HEATR1: variants seen among roughly 807,000 people sequenced by gnomAD.
The protein encoded by HEATR1 is HEAT repeat-containing protein 1.
Under a neutral mutation model 248.2 loss-of-function variants are expected in HEATR1, and 77 were observed. The observed-to-expected ratio is 0.31, with a 90% confidence interval of 0.26 to 0.37. The LOEUF (loss-of-function observed/expected upper bound fraction) is 0.37. Ranked by LOEUF, HEATR1 falls within the 10% of genes least tolerant of loss-of-function variation. The pLI is 1.00. For missense variants in HEATR1, 2,420 were observed against 2,504.9 expected, an observed-to-expected ratio of 0.97 and a Z score of 0.72; for synonymous variants, 897 against 923.1, an observed-to-expected ratio of 0.97 and a Z score of 0.51.
At chr1:236,554,127 C>T (rs1201505815) in intron 42 of HEATR1, among the ~76,000 whole-genome samples, 1 of 152,218 alleles carries the variant, frequency 6.6e-6, no homozygotes, top group Admixed American at 6.5e-5. Flanking sequence ...CATGGTGGCT[C>T]ACGCCTGTAA....
At chr1:236,593,086 A>G (rs1664084774) in intron 9 of HEATR1, among the ~76,000 whole-genome samples, 1 of 152,034 alleles carries the variant, frequency 6.6e-6, no homozygotes, top group African/African-American at 2.4e-5. Flanking sequence ...CCCAGCTACC[A>G]GGGAGGCTGA....
intron 28 of HEATR1, among the ~76,000 whole-genome samples, chr1:236,569,570 C>T (rs567202239): frequency 7.9e-5 from 12 of 152,122 alleles, no homozygotes; most frequent in Non-Finnish European, 1.3e-4. Flanking sequence ...AAAATTCATA[C>T]GAAAAGAATA....
At chr1:236,590,566 T>C (rs2103149989) in intron 12 of HEATR1, among the ~76,000 whole-genome samples, 1 of 152,252 alleles carries the variant, frequency 6.6e-6, no homozygotes, top group African/African-American at 2.4e-5. Context: ...CTCAGATAAT[T>C]AATGAACCTA....
intron 21 of HEATR1, 23 bp downstream of exon 21, chr1:236,576,757 A>G: frequency 6.3e-7 from 1 of 1,596,068 alleles, no homozygotes; most frequent in African/African-American, 1.3e-5. Context: ...AACACACTCA[A>G]TCTTCTTTGC....
chr1:236,554,921 G>A (rs764406630), intron 41 of HEATR1, among the ~76,000 whole-genome samples, 169 bp from the exon 42 acceptor site: 4 of 152,194 alleles, frequency 2.6e-5, no homozygotes, highest in Non-Finnish European at 5.9e-5. Flanking sequence ...CTCGAAGAAT[G>A]ATTCCTTCTT....
At chr1:236,577,204 C>T (rs749910064) in intron 20 of HEATR1, among the ~76,000 whole-genome samples, 7 of 152,154 alleles carry the variant, frequency 4.6e-5, no homozygotes, top group African/African-American at 1.2e-4. Flanking sequence ...CTGGACATTG[C>T]GCAATGGTGC....
chr1:236,563,894 C>T (rs79433641), intron 32 of HEATR1, among the ~76,000 whole-genome samples: 3,786 of 152,216 alleles, frequency 0.025, 54 homozygotes, highest in Middle Eastern at 0.054. Flanking sequence ...TTGGGAGGAT[C>T]GCTTGAGGCC....
intron 34 of HEATR1, 46 bp from the exon 35 acceptor site, chr1:236,559,181 A>G: frequency 2.0e-6 from 3 of 1,484,860 alleles, no homozygotes; most frequent in Non-Finnish European, 2.7e-6. Context: ...AACAAATTAA[A>G]AAAAAAACCA....
chr1:236,556,333 CATG>C, intron 37 of HEATR1, 75 bp from the exon 38 acceptor site: 1 of 1,449,090 alleles, frequency 6.9e-7, no homozygotes, highest in Non-Finnish European at 9.6e-7. Flanking sequence ...AGAGAGGCTT[CATG>C]ATGAGGTACT....
chr1:236,570,021 G>T (rs1163421535), intron 28 of HEATR1, among the ~76,000 whole-genome samples: 1 of 152,156 alleles, frequency 6.6e-6, no homozygotes, highest in Non-Finnish European at 1.5e-5. Flanking sequence ...GGGCACGGTG[G>T]CTCACGCCTG....
intron 32 of HEATR1, 109 bp downstream of exon 32, chr1:236,564,389 G>A (rs1338273727): frequency 6.9e-6 from 6 of 865,164 alleles, no homozygotes; most frequent in Admixed American, 5.4e-5. Context: ...CTTTAAAGGC[G>A]TGCCTCCCAT....
chr1:236,595,466 T>C, intron 8 of HEATR1, 74 bp downstream of exon 8: 1 of 1,193,996 alleles, frequency 8.4e-7, no homozygotes, highest in Non-Finnish European at 1.2e-6. Flanking sequence ...TTTGAAGCTG[T>C]TAACCAGGAT....
At chr1:236,600,213 C>T (rs1252890261) in intron 3 of HEATR1, among the ~76,000 whole-genome samples, 4 of 149,014 alleles carry the variant, frequency 2.7e-5, no homozygotes, top group African/African-American at 4.9e-5. Context: ...CTGCAACCTC[C>T]ACCTCCAAGT....
intron 26 of HEATR1, among the ~76,000 whole-genome samples, 184 bp downstream of exon 26, chr1:236,572,227 C>T (rs1391461737): frequency 1.3e-5 from 2 of 152,146 alleles, no homozygotes; most frequent in Non-Finnish European, 2.9e-5. Flanking sequence ...ACACAGGACA[C>T]TAAGGTCAGT....
chr1:236,579,392 CA>C (rs1663649138), intron 20 of HEATR1, among the ~76,000 whole-genome samples: 1 of 152,212 alleles, frequency 6.6e-6, no homozygotes, highest in East Asian at 1.9e-4. Context: ...ATATATGACT[CA>C]GAGGCCACTG....
chr1:236,562,081 C>G (rs540772937), intron 32 of HEATR1, among the ~76,000 whole-genome samples: 1 of 152,344 alleles, frequency 6.6e-6, no homozygotes, highest in South Asian at 2.1e-4. Context: ...TACCCAATCC[C>G]TGGTACTAAC....
At chr1:236,591,851 G>T in intron 11 of HEATR1, 142 bp downstream of exon 11, 1 of 514,876 alleles carries the variant, frequency 1.9e-6, no homozygotes, top group Admixed American at 2.8e-5. Flanking sequence ...CCGTACTTCA[G>T]GCAACTAGGC....
At position 236,556,303 on chromosome 1, in the gene HEATR1, G is replaced by T. The variant is rs757560159; in HGVS notation, c.5356-45C>A. On this transcript the variant is annotated intron_variant, in intron 37 of 44. Coordinates refer to ENST00000366582, the MANE Select transcript of HEATR1 (RefSeq NM_018072.6). ...GTGATCAGGGCCACTGCAGATCTTC[G>T]CTGACAAACACACACTTACAGAGAG... 2.5e-6 allele frequency: 4 copies of T among 1,592,866 alleles called. No individual in the cohort carries two copies. The South Asian group carries it at 4.4e-5, about 18-fold the overall frequency.
intron 28 of HEATR1, among the ~76,000 whole-genome samples, chr1:236,569,527 G>T (rs1461264641): frequency 1.3e-5 from 2 of 152,086 alleles, no homozygotes; most frequent in Non-Finnish European, 2.9e-5. Flanking sequence ...TAAAAAACAG[G>T]CAAAGGATTT....
Sources: gnomAD v4.1 joint callset for allele counts (sites outside exome capture counted in the v4.1 genomes callset) on GRCh38, gnomAD v4.1.1 for gene constraint, MANE v1.5 for transcripts, NCBI Gene and HGNC (gene_info 2026-07-23, HGNC 2026-07-21) for gene names.